ZC3H12B: variants seen among roughly 807,000 people sequenced by gnomAD.
ZC3H12B encodes the protein zinc finger CCCH-type containing 12B.
A neutral mutation model predicts 43.9 loss-of-function variants in ZC3H12B; 7 were observed. The observed-to-expected ratio is 0.16, with a 90% CI of 0.09 to 0.30. The LOEUF is 0.30. Ranked by LOEUF, ZC3H12B falls within the 10% of genes least tolerant of loss-of-function variation. The pLI, the probability that ZC3H12B is intolerant of heterozygous loss-of-function variation, is 1.00. For missense variants in ZC3H12B, 475 were observed against 670.2 expected, an observed-to-expected ratio of 0.71 and a Z score of 3.22; for synonymous variants, 222 against 241.7, an observed-to-expected ratio of 0.92 and a Z score of 0.76.
At chrX:65,458,349 C>T (rs749503530) in intron 3 of ZC3H12B, among the ~76,000 whole-genome samples, 70 of 110,971 alleles carry the variant, frequency 6.3e-4, no homozygotes, top group African/African-American at 2.1e-3. Context: ...CAGCTCTGCA[C>T]GAAGCAGACC....
At chrX:65,271,841 C>G in the ZC3H12B span, 1 of 157,045 alleles carries the variant, frequency 6.4e-6, no homozygotes, top group Non-Finnish European at 1.3e-5. Flanking sequence ...TGGGCTTATT[C>G]AGTTTTGCTT....
chrX:65,388,430 A>C (rs1352916253), intron 2 of ZC3H12B, among the ~76,000 whole-genome samples: 1 of 112,209 alleles, frequency 8.9e-6, no homozygotes, highest in Non-Finnish European at 1.9e-5. Context: ...CAGTTGATCA[A>C]ATCGGCTACT....
At chrX:65,233,237 G>A in the ZC3H12B span, among the ~76,000 whole-genome samples, 2 of 111,609 alleles carry the variant, frequency 1.8e-5, no homozygotes, top group Non-Finnish European at 3.8e-5. Flanking sequence ...CTGGAGTATA[G>A]ACCAAATGGG....
At chrX:65,171,904 G>A in the ZC3H12B span, among the ~76,000 whole-genome samples, 1 of 111,232 alleles carries the variant, frequency 9.0e-6, no homozygotes, top group Non-Finnish European at 1.9e-5. Flanking sequence ...CACAGTATTA[G>A]GGTGGGAATA....
the ZC3H12B span, among the ~76,000 whole-genome samples, chrX:65,159,762 C>T: frequency 8.9e-6 from 1 of 111,860 alleles, no homozygotes; most frequent in Non-Finnish European, 1.9e-5. Flanking sequence ...ATTTCCTTCT[C>T]TTGCCTGATT....
chrX:65,239,870 T>C, the ZC3H12B span, among the ~76,000 whole-genome samples: 6 of 111,148 alleles, frequency 5.4e-5, no homozygotes, highest in African/African-American at 2.0e-4. Context: ...TGGGTTGGAA[T>C]TTTTTTTTCT....
the ZC3H12B span, among the ~76,000 whole-genome samples, chrX:65,228,045 C>T: frequency 9.0e-6 from 1 of 111,623 alleles, no homozygotes; most frequent in African/African-American, 3.3e-5. Flanking sequence ...AGGCCAGCAT[C>T]ATCTTGATAC....
chrX:65,221,050 C>T, the ZC3H12B span, among the ~76,000 whole-genome samples: 164 of 111,687 alleles, frequency 1.5e-3, 1 homozygote, highest in African/African-American at 5.2e-3. Context: ...AAAAGGAACC[C>T]TCAATACCAT....
chrX:65,358,165 C>T, the ZC3H12B span, among the ~76,000 whole-genome samples: 2 of 111,387 alleles, frequency 1.8e-5, no homozygotes, highest in African/African-American at 6.5e-5. Flanking sequence ...AATATATATG[C>T]ACCCAATACA....
chrX:65,186,847 C>T, the ZC3H12B span, among the ~76,000 whole-genome samples: 3 of 111,980 alleles, frequency 2.7e-5, no homozygotes, highest in Non-Finnish European at 5.6e-5. Flanking sequence ...ATGCAGGTTG[C>T]TGCGAATGCC....
At chrX:65,387,281 C>T (rs1203808963) in intron 2 of ZC3H12B, among the ~76,000 whole-genome samples, 3 of 111,532 alleles carry the variant, frequency 2.7e-5, no homozygotes, top group Middle Eastern at 4.6e-3. Context: ...GAGTCTAAGT[C>T]TGTTTCTAGG....
At chrX:65,260,894 A>G in the ZC3H12B span, among the ~76,000 whole-genome samples, 3 of 111,619 alleles carry the variant, frequency 2.7e-5, no homozygotes, top group Non-Finnish European at 5.7e-5. Context: ...CTGCTTATCT[A>G]TAGAGTTAAG....
chrX:65,227,012 C>A, the ZC3H12B span, among the ~76,000 whole-genome samples: 1 of 111,118 alleles, frequency 9.0e-6, no homozygotes, highest in Non-Finnish European at 1.9e-5. Context: ...GAATTGAACT[C>A]AACTCTGCAC....
the ZC3H12B span, among the ~76,000 whole-genome samples, chrX:65,063,695 T>C: frequency 8.9e-6 from 1 of 112,405 alleles, no homozygotes; most frequent in Non-Finnish European, 1.9e-5. Flanking sequence ...GAGGAATCCC[T>C]CTTTTTCTAT....
the ZC3H12B span, among the ~76,000 whole-genome samples, chrX:65,342,588 A>G: frequency 2.7e-5 from 3 of 111,873 alleles, no homozygotes; most frequent in African/African-American, 9.8e-5. Context: ...GGCAGAAATC[A>G]ACAAGTTCTT....
At chrX:65,125,263 T>C in the ZC3H12B span, among the ~76,000 whole-genome samples, 1 of 111,798 alleles carries the variant, frequency 8.9e-6, no homozygotes, top group South Asian at 3.7e-4. Flanking sequence ...CAGAAGCAGG[T>C]TATTTAATTT....
At chrX:65,259,321 C>A in the ZC3H12B span, among the ~76,000 whole-genome samples, 1 of 112,169 alleles carries the variant, frequency 8.9e-6, no homozygotes, top group Non-Finnish European at 1.9e-5. Context: ...GGAAAAAATT[C>A]TCTATTCAAT....
the ZC3H12B span, among the ~76,000 whole-genome samples, chrX:65,040,882 T>G: frequency 9.0e-6 from 1 of 111,213 alleles, no homozygotes; most frequent in African/African-American, 3.3e-5. Context: ...CCTCCCTGGC[T>G]CAAGCGATCC....
At chrX:65,080,108 C>T in the ZC3H12B span, among the ~76,000 whole-genome samples, 3 of 104,551 alleles carry the variant, frequency 2.9e-5, no homozygotes, top group Non-Finnish European at 5.9e-5. Flanking sequence ...CAGAGTCTCG[C>T]AACAGCACAA....
Sources: gnomAD v4.1 joint callset for allele counts (sites outside exome capture counted in the v4.1 genomes callset) on GRCh38, gnomAD v4.1.1 for gene constraint, MANE v1.5 for transcripts, NCBI Gene and HGNC (gene_info 2026-07-23, HGNC 2026-07-21) for gene names.